SGSM2: variants seen among roughly 807,000 people sequenced by gnomAD.
SGSM2 encodes the protein small G protein signaling modulator 2.
A neutral mutation model predicts 126.6 loss-of-function variants in SGSM2; 89 were observed. That is an observed-to-expected ratio of 0.70 (90% CI 0.59 to 0.84). SGSM2 has a LOEUF of 0.84. Among genes scored for constraint, SGSM2 ranks in the 40% least tolerant of loss-of-function variants. The pLI is 0.00. For synonymous variants in SGSM2, 614 were observed against 574.3 expected (o/e 1.07, Z -0.99); for missense variants, 1,404 against 1,416.6 (o/e 0.99, Z 0.14).
Position 2,341,453 on chromosome 17 carries a change from C to G in SGSM2, c.58-2092C>G, listed in dbSNP as rs554852470. On this transcript the variant is annotated intron_variant, in intron 1 of 23. Coordinates refer to ENST00000268989, the MANE Select transcript of SGSM2 (RefSeq NM_014853.3). ...TGATCCCCTTTTACCTGAGCACTAA[C>G]CATTAGCAGTTTCCGGCAGGGAGGG... Among the ~76,000 whole-genome samples the G allele has an allele frequency of 9.2e-5, 14 of 152,310 alleles. No homozygotes were observed. The South Asian group carries it at 2.9e-3, about 32-fold the overall frequency.
chr17:2,352,223 G>A lies in SGSM2; in HGVS notation c.133+8603G>A, dbSNP rs909565057. Among the ~76,000 whole-genome samples, 7 of 152,142 alleles carry A rather than the reference G, an allele frequency of 4.6e-5. No homozygotes were observed. The South Asian group carries it at 1.0e-3, about 23-fold the overall frequency. Reference sequence around the variant, plus strand: ...ATCTCCAGGAAGGCTGCTCCTCTCCGGCATTGTTGGTTCCACCATCCAGGG... The same window carrying A: ...ATCTCCAGGAAGGCTGCTCCTCTCCAGCATTGTTGGTTCCACCATCCAGGG... On this transcript the variant is annotated intron_variant, in intron 2 of 23. Transcript: ENST00000268989.
Position 2,375,715 on chromosome 17 carries a change from G to C in SGSM2, c.2324G>C (p.Gly775Ala). 2.5e-6 allele frequency: 4 copies of C among 1,611,440 alleles called. No homozygotes were observed. Among genetic ancestry groups the C allele is most frequent in the Non-Finnish European group, 3.4e-6 (4 of 1,177,974 alleles). The change falls in exon 18 of 24, where the codon GGC (glycine) becomes GCC (alanine). Residue 775 changes from glycine (G) to alanine (A), a missense_variant. Coordinates refer to ENST00000268989, the MANE Select transcript of SGSM2 (RefSeq NM_014853.3). ...AGCCTAGATGAGGGGCAGAGCGTGG[G>C]CTTCGAAGAGGAGGACGGCGGTGGG... is the stretch of plus-strand genomic sequence containing the variant. ...QSSLDEGQSV[G>A]FEEEDGGGEE...
intron 13 of SGSM2, chr17:2,371,781 C>A: frequency 2.6e-6 from 1 of 378,978 alleles, no homozygotes; most frequent in South Asian, 3.1e-5. Flanking sequence ...GCTGACAGGC[C>A]GTCCACCTGA....
Position 2,376,162 on chromosome 17 carries a change from T to C in SGSM2, c.2510T>C (p.Leu837Ser). 6.2e-7 allele frequency: 1 copy of C among 1,614,062 alleles called. No homozygotes were observed. The highest frequency in any genetic ancestry group is 1.3e-5 in the African/African-American group (1 of 75,018). Residue 837 changes from leucine to serine, a missense_variant, in exon 19 of 24, where the codon TTA (leucine) becomes TCA (serine). Physicochemically the swap from Leu to Ser is moderately radical, Grantham distance 145 (BLOSUM62 -2). Transcript: ENST00000268989. ...YTIELLDTVA[L>S]NLHRIDKDVQ... is the part of the protein sequence containing the mutation. ...ATAGAATTACTGGACACTGTGGCCT[T>C]AAACCTGCACCGCATAGACAAGGAT...
rs1378847083 is a variant in SGSM2, at chr17:2,365,288, G to C, written c.1235G>C (p.Arg412Pro). Reference sequence around the variant, plus strand: ...GATATGGAGGAGATGGGCACGGGGCGGGCCACCGACTATGTGTTCCGGATC... The same window carrying C: ...GATATGGAGGAGATGGGCACGGGGCCGGCCACCGACTATGTGTTCCGGATC... ...SVDMEEMGTG[R>P]ATDYVFRIIY... The change falls in exon 11 of 24, where the codon CGG becomes CCG. Residue 412 changes from arginine to proline, a missense_variant. Transcript: ENST00000268989. The C allele has an allele frequency of 6.3e-7, 1 of 1,594,034 alleles. No homozygotes were observed. The highest frequency in any genetic ancestry group is 1.3e-5 in the African/African-American group (1 of 74,406).
intron 9 of SGSM2, 116 bp downstream of exon 9, chr17:2,364,779 GC>G (rs1283659833): frequency 6.4e-7 from 1 of 1,554,484 alleles, no homozygotes; most frequent in East Asian, 2.3e-5. Context: ...TGTTAATGGG[GC>G]TCCCAGGCCA....
intron 18 of SGSM2, 56 bp from the exon 19 acceptor site, chr17:2,376,081 C>A (rs1316573595): frequency 1.9e-6 from 3 of 1,610,938 alleles, no homozygotes; most frequent in South Asian, 1.1e-5. Flanking sequence ...CACCTCCTGC[C>A]CCCAGCCTGG....
intron 2 of SGSM2, among the ~76,000 whole-genome samples, chr17:2,352,630 C>G (rs922235920): frequency 9.2e-5 from 14 of 152,108 alleles, no homozygotes; most frequent in Non-Finnish European, 1.6e-4. Context: ...CTGGGCTTGT[C>G]CAGGCTGCTG....
Position 2,372,554 on chromosome 17 carries a change from G to A in SGSM2, c.1788+66G>A, listed in dbSNP as rs1245195480. On this transcript the variant is annotated intron_variant, in intron 15 of 23. Transcript: ENST00000268989. The surrounding 1 kb of genome is among the most constrained non-coding windows in gnomAD (Gnocchi z 6.0). ...GGGGCGGGCAGGAGTGAGGGCTTCA[G>A]GGTAAAATGTGCCAGTGGGTGCGGT... is the stretch of plus-strand genomic sequence containing the variant. 7 of 1,565,922 alleles carry A rather than the reference G, an allele frequency of 4.5e-6. No homozygotes were observed. The highest frequency in any genetic ancestry group is 6.0e-6 in the Non-Finnish European group (7 of 1,159,442).
intron 2 of SGSM2, among the ~76,000 whole-genome samples, chr17:2,349,044 A>G (rs1440133818): frequency 2.7e-5 from 4 of 150,724 alleles, no homozygotes; most frequent in South Asian, 4.4e-4. Flanking sequence ...GATTACAGGC[A>G]TGAGCCACCA....
In SGSM2 at chr17:2,372,205, A is replaced by G; in HGVS notation, c.1593A>G (p.Leu531=). 1 of 1,613,184 alleles carries G rather than the reference A, an allele frequency of 6.2e-7. No individual in the cohort carries two copies. Among genetic ancestry groups the G allele is most frequent in the Non-Finnish European group, 8.5e-7 (1 of 1,179,722 alleles). The change falls in exon 14 of 24, where the codon CTA becomes CTG. Residue 531 remains leucine, a synonymous_variant. Transcript: ENST00000268989. The surrounding 1 kb of genome is among the most constrained non-coding windows in gnomAD (Gnocchi z 6.0). ...SCIPDRLPLR[L]LCESMKRQIV... is the part of the protein sequence containing the mutation. ...GTTGCCACAGGTTGCCGCTCAGGCT[A>G]CTGTGTGAGAGTATGAAGAGGCAGA...
intron 1 of SGSM2, among the ~76,000 whole-genome samples, chr17:2,341,381 G>A (rs906532470): frequency 1.3e-5 from 2 of 152,168 alleles, no homozygotes; most frequent in South Asian, 2.1e-4. Flanking sequence ...ATGCCCAGCC[G>A]TCTAGGAAGC....
At chr17:2,368,558 C>T (rs1350799046) in intron 12 of SGSM2, among the ~76,000 whole-genome samples, 3 of 152,316 alleles carry the variant, frequency 2.0e-5, no homozygotes, top group African/African-American at 4.8e-5. Context: ...TAACTGTCTC[C>T]GGGCAGGCAG....
chr17:2,376,919 C>T lies in SGSM2; in HGVS notation c.2693-40C>T, dbSNP rs373760496. 1.3e-5 allele frequency: 21 copies of T among 1,599,278 alleles called. No homozygotes were observed. In the African/African-American group the frequency reaches 1.6e-4, roughly 12 times the overall value. The stretch of plus-strand genomic sequence containing the variant: ...GAATGGGAGCCGGCTCTGTCCCCTG[C>T]GTCTCCTGCCCTGCCAGCTTCACTC... On this transcript the variant is annotated intron_variant, in intron 20 of 23. Coordinates refer to ENST00000268989, the MANE Select transcript of SGSM2 (RefSeq NM_014853.3).
chr17:2,375,536 C>A lies in SGSM2; in HGVS notation c.2145C>A (p.Asp715Glu). The A allele has an allele frequency of 1.2e-6, 2 of 1,613,490 alleles. No individual in the cohort carries two copies. Among genetic ancestry groups the A allele is most frequent in the Non-Finnish European group, 1.7e-6 (2 of 1,179,866 alleles). Residue 715 changes from aspartate (D) to glutamate (E), a missense_variant, in exon 18 of 24, where the codon GAC (aspartate) becomes GAA (glutamate). Asp to Glu is a conservative substitution (Grantham distance 45). Transcript: ENST00000268989. ...VDDLEPPEPQ[D>E]PEDSRPKPEQ... ...ATCTGGAACCCCCGGAGCCCCAGGA[C>A]CCTGAAGATTCCAGACCAAAACCTG...
chr17:2,359,895 C>T (rs1306809470), intron 2 of SGSM2, among the ~76,000 whole-genome samples: 1 of 152,182 alleles, frequency 6.6e-6, no homozygotes, highest in East Asian at 1.9e-4. Flanking sequence ...TGATCACCCC[C>T]TTTCCACAGG....
At chr17:2,344,841 G>C (rs2064525805) in intron 2 of SGSM2, among the ~76,000 whole-genome samples, 1 of 152,154 alleles carries the variant, frequency 6.6e-6, no homozygotes, top group Admixed American at 6.5e-5. Context: ...CCCTCAGTTT[G>C]CTCCTCTAAA....
At chr17:2,379,361 G>A (rs1195176903) in intron 23 of SGSM2, 71 bp from the exon 24 acceptor site, 2 of 1,572,604 alleles carry the variant, frequency 1.3e-6, no homozygotes, top group African/African-American at 1.3e-5. Context: ...AACAGAGCAG[G>A]GTAGTCAGCC....
intron 2 of SGSM2, among the ~76,000 whole-genome samples, chr17:2,360,643 A>G: frequency 6.6e-6 from 1 of 152,244 alleles, no homozygotes; most frequent in East Asian, 1.9e-4. Context: ...CACAGAGGAT[A>G]CAACTGAGTC....
Sources: allele counts gnomAD v4.1 joint callset (sites outside exome capture counted in the v4.1 genomes callset), GRCh38; gene constraint gnomAD v4.1.1; non-coding constraint Gnocchi (gnomAD v3.1); transcripts MANE v1.5; gene names NCBI Gene and HGNC (gene_info 2026-07-23, HGNC 2026-07-21).